HTT: variants seen among roughly 807,000 people sequenced by gnomAD.
HTT encodes huntington disease protein.
A neutral mutation model predicts 362.3 loss-of-function variants in HTT; 104 were observed. That is an observed-to-expected ratio of 0.29 (90% confidence interval 0.24 to 0.34). The LOEUF is 0.34. Among genes scored for constraint, HTT ranks in the 10% least tolerant of loss-of-function variants. HTT has a pLI of 1.00. For missense variants in HTT, 3,301 were observed against 3,928.6 expected, an observed-to-expected ratio of 0.84 and a Z score of 4.27; for synonymous variants, 1,577 against 1,548.7, an observed-to-expected ratio of 1.02 and a Z score of -0.43.
Position 3,105,248 on chromosome 4 carries a change from T to C in HTT, c.529-109T>C, listed in dbSNP as rs1714368291. ...AGATGTTTTATGCATTTAAATGGCC[T>C]TTTCTCTAAAATTAGAAAGTAACAA... On this transcript the variant is annotated intron_variant, in intron 4 of 66. Coordinates refer to ENST00000355072, the MANE Select transcript of HTT (RefSeq NM_001388492.1). 4 of 742,940 alleles carry C rather than the reference T, an allele frequency of 5.4e-6. No homozygotes were observed. In the Admixed American group the frequency reaches 7.1e-5, roughly 13 times the overall value. 46.0% of individuals were successfully genotyped at this position (742,940 alleles called of 1,614,324 possible).
rs1050799427 is a variant in HTT at position 3,075,058 on chromosome 4, C to G, written c.233C>G (p.Pro78Arg). 2.4e-6 allele frequency: 3 copies of G among 1,248,094 alleles called. No individual in the cohort carries two copies. The highest frequency in any genetic ancestry group is 3.7e-5 in the South Asian group (1 of 27,240). The allele number at this position is 1,248,094 out of a possible 1,614,324, so 77.3% of individuals were successfully genotyped here. ...CCGCCGCCCCCGCCGCCACCCGGCC[C>G]GGCTGTGGCTGAGGAGCCGCTGCAC... Reference protein sequence around the residue: ...PPPPPPPPPGPAVAEEPLHRP... With the variant: ...PPPPPPPPPGRAVAEEPLHRP... Residue 78 changes from proline (P) to arginine (R), a missense_variant, in exon 1 of 67, where the codon CCG (proline) becomes CGG (arginine). By Grantham distance (103) the Pro-to-Arg change is moderately radical. This residue lies in a region of HTT where 2,316 missense variants were observed against 2,658.5 expected (regional missense o/e 0.87). Transcript: ENST00000355072.
chr4:3,220,827 C>G (rs1418876857), intron 53 of HTT, among the ~76,000 whole-genome samples: 1 of 152,158 alleles, frequency 6.6e-6, no homozygotes, highest in Admixed American at 6.5e-5. Flanking sequence ...GCTTCCAGCC[C>G]TCCTACCTGA....
intron 12 of HTT, chr4:3,129,261 G>A (rs1715678707): frequency 6.6e-6 from 1 of 152,264 alleles, no homozygotes; most frequent in Non-Finnish European, 1.5e-5. Context: ...CATTTTTTTG[G>A]CTAAATACCC....
chr4:3,195,475 C>T (rs949019281), intron 40 of HTT, among the ~76,000 whole-genome samples: 1 of 152,032 alleles, frequency 6.6e-6, no homozygotes, highest in African/African-American at 2.4e-5. Flanking sequence ...CTTTCTCTTC[C>T]CCTGAGTCCC....
intron 37 of HTT, among the ~76,000 whole-genome samples, chr4:3,184,743 G>A (rs1328151390): frequency 1.3e-5 from 2 of 152,066 alleles, no homozygotes; most frequent in African/African-American, 4.8e-5. Flanking sequence ...AGGTGTATGA[G>A]CCTGGAGTTG....
In HTT at chr4:3,136,201, A is replaced by AT. The variant is rs377032545; in HGVS notation, c.2698-20dup. Reference sequence around the variant, plus strand: ...TTTAGTCAAATACAAGATTATGTTTATTTTTATTATCCTTCTCTCTAAAGC... The same window carrying AT: ...TTTAGTCAAATACAAGATTATGTTTATTTTTTATTATCCTTCTCTCTAAAGC... On this transcript the variant is annotated intron_variant, in intron 20 of 66. Coordinates refer to ENST00000355072, the MANE Select transcript of HTT (RefSeq NM_001388492.1). 7.1e-4 allele frequency: 1,044 copies of AT among 1,472,472 alleles called. 2 individuals carry two copies. The highest frequency in any genetic ancestry group is 9.3e-4 in the Non-Finnish European group (988 of 1,058,486). The allele number at this position is 1,472,472 out of a possible 1,614,324, so 91.2% of individuals were successfully genotyped here. A position where few individuals can be genotyped will look rare whatever the true frequency, so the allele number is the denominator to read the frequency against.
At chr4:3,091,857 T>C (rs191614591) in intron 2 of HTT, among the ~76,000 whole-genome samples, 80 of 152,282 alleles carry the variant, frequency 5.3e-4, no homozygotes, top group African/African-American at 1.9e-3. Context: ...TGGGAAAATA[T>C]AAAGCTTTAG....
At chr4:3,217,662 T>A in intron 51 of HTT, 103 bp from the exon 52 acceptor site, 1 of 980,970 alleles carries the variant, frequency 1.0e-6, no homozygotes, top group Non-Finnish European at 1.5e-6. Flanking sequence ...CTAAGTGGAT[T>A]CCACAGTTAC....
At chr4:3,122,784 C>A in intron 9 of HTT, 105 bp from the exon 10 acceptor site, 1 of 859,210 alleles carries the variant, frequency 1.2e-6, no homozygotes. Context: ...AAAACGTTCA[C>A]ATTTTCTCTA....
chr4:3,130,154 G>A, intron 13 of HTT, 107 bp downstream of exon 13: 4 of 1,237,738 alleles, frequency 3.2e-6, no homozygotes, highest in Non-Finnish European at 3.4e-6. Flanking sequence ...TGTTTTCTGA[G>A]TTCTGAATAG....
At chr4:3,172,120 A>G (rs957588247) in intron 29 of HTT, among the ~76,000 whole-genome samples, 200 bp from the exon 30 acceptor site, 1 of 152,244 alleles carries the variant, frequency 6.6e-6, no homozygotes, top group Admixed American at 6.5e-5. Flanking sequence ...GCATGAAAGA[A>G]TGGTTGTAAT....
intron 21 of HTT, among the ~76,000 whole-genome samples, chr4:3,139,089 C>T (rs1228883764): frequency 6.6e-6 from 1 of 152,108 alleles, no homozygotes; most frequent in Non-Finnish European, 1.5e-5. Context: ...ATTTGCATTT[C>T]TTTGATTACT....
chr4:3,134,711 T>C (rs1055539899), intron 19 of HTT, among the ~76,000 whole-genome samples, 171 bp downstream of exon 19: 9 of 152,190 alleles, frequency 5.9e-5, no homozygotes, highest in Non-Finnish European at 1.2e-4. Flanking sequence ...AACTTTGCCC[T>C]ATGCTTGGAA....
intron 31 of HTT, 161 bp downstream of exon 31, chr4:3,173,292 A>C: frequency 1.6e-6 from 1 of 638,662 alleles, no homozygotes; most frequent in Non-Finnish European, 2.7e-6. Flanking sequence ...TGCAAAGATG[A>C]TTTAAGGCAT....
intron 40 of HTT, among the ~76,000 whole-genome samples, chr4:3,196,680 G>A (rs1291691570): frequency 6.6e-6 from 1 of 151,790 alleles, no homozygotes; most frequent in African/African-American, 2.4e-5. Flanking sequence ...CAAAGCTACA[G>A]TGGGCTGTGA....
At position 3,196,678 on chromosome 4, in the gene HTT, C is replaced by T. The variant is rs533225281; in HGVS notation, c.5369-3054C>T. ...AATTGAGCCCCGGAGGCCAAAGCTA[C>T]AGTGGGCTGTGATCGTGCCACTGTA... On this transcript the variant is annotated intron_variant, in intron 40 of 66. Transcript: ENST00000355072. 4.0e-5 allele frequency among the ~76,000 whole-genome samples: 6 copies of T among 151,602 alleles called. No homozygotes were observed. In the South Asian group the frequency reaches 1.3e-3, roughly 32 times the overall value.
chr4:3,223,287 T>C, intron 54 of HTT, 119 bp from the exon 55 acceptor site: 2 of 988,434 alleles, frequency 2.0e-6, no homozygotes, highest in East Asian at 5.4e-5. Flanking sequence ...ACAGAAATCC[T>C]TTGGTAGCAC....
chr4:3,124,872 G>T (rs1715453405), intron 10 of HTT, among the ~76,000 whole-genome samples: 1 of 152,044 alleles, frequency 6.6e-6, no homozygotes, highest in African/African-American at 2.4e-5. Context: ...TAATTATTTT[G>T]ATAGTGTCAT....
At chr4:3,102,424 T>A (rs1215287159) in intron 3 of HTT, among the ~76,000 whole-genome samples, 1 of 152,264 alleles carries the variant, frequency 6.6e-6, no homozygotes, top group African/African-American at 2.4e-5. Flanking sequence ...ATAAGGCTTC[T>A]AGTTTTATTT....
Sources: allele counts gnomAD v4.1 joint callset (sites outside exome capture counted in the v4.1 genomes callset), GRCh38; gene constraint gnomAD v4.1.1; regional missense constraint gnomAD v4.1.1; transcripts MANE v1.5; gene names NCBI Gene and HGNC (gene_info 2026-07-23, HGNC 2026-07-21).